The following DDX53 variants were observed in gnomAD, a reference collection of about 807,000 sequenced individuals.
The protein encoded by DDX53 is DEAD-box helicase 53, also known as DEAD box protein 53.
For synonymous variants in DDX53, 179 were observed against 170.8 expected (o/e 1.05, Z -0.37); for missense variants, 481 against 485.1 (o/e 0.99, Z 0.08).
Position 23,001,796 on chromosome X carries a change from G to A in DDX53, c.1739G>A (p.Gly580Asp). Residue 580 changes from glycine (G) to aspartate (D), a missense_variant, in exon 1 of 1, where the codon GGT becomes GAT. Physicochemically the swap from Gly to Asp is moderately conservative, Grantham distance 94. Transcript: ENST00000327968. Reference sequence around the variant, plus strand: ...ACTCAGAGAGATTCGAAAATGGCCGGTGAATTGATTAAAATTCTGGACAGA... The same window carrying A: ...ACTCAGAGAGATTCGAAAATGGCCGATGAATTGATTAAAATTCTGGACAGA... ...LITQRDSKMAGELIKILDRAN... is the reference protein window; with the variant it reads ...LITQRDSKMADELIKILDRAN... The A allele has an allele frequency of 2.5e-6, 3 of 1,211,759 alleles. No homozygotes were observed. The highest frequency in any genetic ancestry group is 3.4e-6 in the Non-Finnish European group (3 of 895,480).
rs79341555 is a variant in DDX53, at chrX:23,002,255, C to T, written c.*302C>T. The T allele has an allele frequency of 2.0e-4, 38 of 186,514 alleles. No homozygotes were observed. The highest frequency in any genetic ancestry group is 1.5e-3 in the South Asian group (5 of 3,262). 15.4% of individuals were successfully genotyped at this position (186,514 alleles called of 1,213,427 possible). On this transcript the variant is annotated 3_prime_UTR_variant, in exon 1 of 1. Transcript: ENST00000327968. ...TGAAGGTTTGTTAAAGAAACACGTG[C>T]CATGGGGGTTTATCAACTTTCAATA...
Position 23,002,974 on chromosome X carries a change from G to A in DDX53, c.*1021G>A, listed in dbSNP as rs1933840202. ...TTCTTTGCGTTCATAAGTTCTCATCGTTTGCTTCCCACTTATAAGTGAGAA... is the reference window on the plus strand; with the variant it reads ...TTCTTTGCGTTCATAAGTTCTCATCATTTGCTTCCCACTTATAAGTGAGAA... On this transcript the variant is annotated 3_prime_UTR_variant, in exon 1 of 1. Transcript: ENST00000327968. 8.1e-6 allele frequency: 1 copy of A among 122,867 alleles called. No homozygotes were observed. Among genetic ancestry groups the A allele is most frequent in the Non-Finnish European group, 1.9e-5 (1 of 53,185 alleles). The allele number at this position is 122,867 out of a possible 1,213,427, so 10.1% of individuals were successfully genotyped here. A position where few individuals can be genotyped will look rare whatever the true frequency, so the allele number is the denominator to read the frequency against.
chrX:23,001,318 T>A lies in DDX53; in HGVS notation c.1261T>A (p.Tyr421Asn). ...TACTGTACGTCAACTAGCACTTTCT[T>A]ATTTGAAAGATCCTATGATTGTTTA... is the stretch of plus-strand genomic sequence containing the variant. ...PDTVRQLALS[Y>N]LKDPMIVYVG... Residue 421 changes from tyrosine (Y) to asparagine (N), a missense_variant, in exon 1 of 1, where the codon TAT becomes AAT. By Grantham distance (143) the Tyr-to-Asn change is moderately radical. Transcript: ENST00000327968. The A allele has an allele frequency of 1.7e-6, 2 of 1,211,845 alleles. No homozygotes were observed. The highest frequency in any genetic ancestry group is 2.2e-6 in the Non-Finnish European group (2 of 895,407).
At position 23,002,457 on chromosome X, in the gene DDX53, A is replaced by C. The variant is rs1266197206; in HGVS notation, c.*504A>C. ...AAACACGTGTCATGGGGGTTTATCA[A>C]CTTTCAATATTGTGTATGCTCCTTA... On this transcript the variant is annotated 3_prime_UTR_variant, in exon 1 of 1. Transcript: ENST00000327968. 8.2e-6 allele frequency: 1 copy of C among 122,267 alleles called. No homozygotes were observed. The highest frequency in any genetic ancestry group is 1.9e-5 in the Non-Finnish European group (1 of 52,702). The allele number at this position is 122,267 out of a possible 1,213,427, so 10.1% of individuals were successfully genotyped here.
At position 23,000,395 on chromosome X, in the gene DDX53, T is replaced by G. The variant is rs1439329626; in HGVS notation, c.338T>G (p.Ile113Ser). Residue 113 changes from isoleucine to serine, a missense_variant, in exon 1 of 1, where the codon ATT (isoleucine) becomes AGT (serine). Coordinates refer to ENST00000327968, the MANE Select transcript of DDX53 (RefSeq NM_182699.4). ...GCCAAAGCGGCTATAGAAACACTTA[T>G]TAGAAAACAAGAAAGCTACAACTCA... ...AKAKAAIETL[I>S]RKQESYNSES... 1 of 1,207,824 alleles carries G rather than the reference T, an allele frequency of 8.3e-7. No homozygotes were observed. Among genetic ancestry groups the G allele is most frequent in the Non-Finnish European group, 1.1e-6 (1 of 894,691 alleles).
In DDX53 at chrX:23,000,998, C is replaced by A. The variant is rs767889537; in HGVS notation, c.941C>A (p.Ala314Asp). ...PTRELALHVE[A>D]ECSKYSYKGL... is the part of the protein sequence containing the mutation. ...AGAGAGTTGGCTCTTCACGTGGAAG[C>A]TGAATGTTCAAAGTATTCATATAAA... is the stretch of plus-strand genomic sequence containing the variant. Residue 314 changes from alanine (A) to aspartate (D), a missense_variant, in exon 1 of 1, where the codon GCT becomes GAT. By Grantham distance (126) the Ala-to-Asp change is moderately radical (BLOSUM62 -2). Coordinates refer to ENST00000327968, the MANE Select transcript of DDX53 (RefSeq NM_182699.4). 1.7e-5 allele frequency: 21 copies of A among 1,206,103 alleles called. No homozygotes were observed. Among genetic ancestry groups the A allele is most frequent in the Non-Finnish European group, 2.1e-5 (19 of 893,589 alleles).
chrX:23,000,508 T>A lies in DDX53; in HGVS notation c.451T>A (p.Ser151Thr), dbSNP rs780992934. The A allele has an allele frequency of 3.3e-6, 4 of 1,210,109 alleles. No homozygotes were observed. In the African/African-American group the frequency reaches 7.0e-5, roughly 21 times the overall value. The change falls in exon 1 of 1, where the codon TCA becomes ACA. Residue 151 changes from serine to threonine, a missense_variant. Transcript: ENST00000327968. Reference sequence around the variant, plus strand: ...CATTGTTGGAGAAGCTGAGCCATTGTCAAATTGGGATCGCATTAGGGCAGC... The same window carrying A: ...CATTGTTGGAGAAGCTGAGCCATTGACAAATTGGGATCGCATTAGGGCAGC... The part of the protein sequence containing the change: ...NDIVGEAEPL[S>T]NWDRIRAAVV...
rs1416489336 is a variant in DDX53 at position 23,002,746 on chromosome X, GT to G, written c.*796del. Reference sequence around the variant, plus strand: ...AAGTAAATGTTATGTGTTGGTTAAAGTTTAATTTCTCTTAAAAATACTTTTA... The same window carrying G: ...AAGTAAATGTTATGTGTTGGTTAAAGTTAATTTCTCTTAAAAATACTTTTA... On this transcript the variant is annotated 3_prime_UTR_variant, in exon 1 of 1. Transcript: ENST00000327968. 3 of 121,357 alleles carry G rather than the reference GT, an allele frequency of 2.5e-5. No individual in the cohort carries two copies. Among genetic ancestry groups the G allele is most frequent in the Admixed American group, 1.9e-4 (2 of 10,292 alleles). The allele number at this position is 121,357 out of a possible 1,213,427, so 10.0% of individuals were successfully genotyped here.
In DDX53 at chrX:23,001,182, A is replaced by G; in HGVS notation, c.1125A>G (p.Ile375Met). 1 of 1,211,585 alleles carries G rather than the reference A, an allele frequency of 8.3e-7. No individual in the cohort carries two copies. Residue 375 changes from isoleucine (I) to methionine (M), a missense_variant, in exon 1 of 1, where the codon ATA becomes ATG. Coordinates refer to ENST00000327968, the MANE Select transcript of DDX53 (RefSeq NM_182699.4). Reference sequence around the variant, plus strand: ...TAAGAAGCATAACCTACTTGGTTATAGATGAGGCAGATAAAATGCTGGATA... The same window carrying G: ...TAAGAAGCATAACCTACTTGGTTATGGATGAGGCAGATAAAATGCTGGATA... Reference protein sequence around the residue: ...VNLRSITYLVIDEADKMLDME... With the variant: ...VNLRSITYLVMDEADKMLDME...
chrX:23,000,197 G>A lies in DDX53; in HGVS notation c.140G>A (p.Arg47His), dbSNP rs1433188066. 1.7e-6 allele frequency: 2 copies of A among 1,198,227 alleles called. No homozygotes were observed. The highest frequency in any genetic ancestry group is 1.8e-5 in the South Asian group (1 of 54,567). ...CAGGGACCGAGAGCAGCAGGCTCCCGTGAACCACCACTCTGCTTTAAAATA... is the reference window on the plus strand; with the variant it reads ...CAGGGACCGAGAGCAGCAGGCTCCCATGAACCACCACTCTGCTTTAAAATA... ...GHQGPRAAGSREPPLCFKIKN... is the reference protein window; with the variant it reads ...GHQGPRAAGSHEPPLCFKIKN... Residue 47 changes from arginine (R) to histidine (H), a missense_variant, in exon 1 of 1, where the codon CGT becomes CAT. Arg to His is a conservative substitution (Grantham distance 29). Coordinates refer to ENST00000327968, the MANE Select transcript of DDX53 (RefSeq NM_182699.4).
In DDX53 at chrX:23,001,529, G is replaced by C; in HGVS notation, c.1472G>C (p.Gly491Ala). The change falls in exon 1 of 1, where the codon GGC (glycine) becomes GCC (alanine). Residue 491 changes from glycine (G) to alanine (A), a missense_variant. Coordinates refer to ENST00000327968, the MANE Select transcript of DDX53 (RefSeq NM_182699.4). ...DDLSSDFNIQ[G>A]ISAESLHGNS... Reference sequence around the variant, plus strand: ...TTGTCAAGCGACTTCAATATCCAAGGCATATCTGCAGAATCATTACATGGC... The same window carrying C: ...TTGTCAAGCGACTTCAATATCCAAGCCATATCTGCAGAATCATTACATGGC... The C allele has an allele frequency of 8.3e-7, 1 of 1,211,447 alleles. No homozygotes were observed. The highest frequency in any genetic ancestry group is 1.1e-6 in the Non-Finnish European group (1 of 895,341).
rs1773433380 is a variant in DDX53, at chrX:23,003,193, A to G, written c.*1240A>G. ...TCCCCCGAGCAGTTGGTGCCACAAC[A>G]GTTCTTAAAGTTATTTCCACTATCA... On this transcript the variant is annotated 3_prime_UTR_variant, in exon 1 of 1. Coordinates refer to ENST00000327968, the MANE Select transcript of DDX53 (RefSeq NM_182699.4). 4.0e-5 allele frequency: 5 copies of G among 124,026 alleles called. No homozygotes were observed. The South Asian group carries it at 1.5e-3, about 36-fold the overall frequency. 10.2% of individuals were successfully genotyped at this position (124,026 alleles called of 1,213,427 possible).
At position 23,001,866 on chromosome X, in the gene DDX53, A is replaced by G; in HGVS notation, c.1809A>G (p.Gln603=). 2 of 1,210,745 alleles carry G rather than the reference A, an allele frequency of 1.7e-6. No homozygotes were observed. Among genetic ancestry groups the G allele is most frequent in the Non-Finnish European group, 2.2e-6 (2 of 895,025 alleles). Residue 603 remains glutamine, a synonymous_variant, in exon 1 of 1, where the codon CAA becomes CAG. Transcript: ENST00000327968. ...VPEDLVVMAE[Q]YKLNQQKRHR... ...AAGATCTTGTAGTAATGGCTGAGCA[A>G]TACAAGTTAAATCAACAAAAGAGGC... is the stretch of plus-strand genomic sequence containing the variant.
In DDX53 at chrX:23,001,538, C is replaced by T. The variant is rs770405734; in HGVS notation, c.1481C>T (p.Ala494Val). 3 of 1,211,391 alleles carry T rather than the reference C, an allele frequency of 2.5e-6. No individual in the cohort carries two copies. Among genetic ancestry groups the T allele is most frequent in the Non-Finnish European group, 3.4e-6 (3 of 895,315 alleles). The change falls in exon 1 of 1, where the codon GCA becomes GTA. Residue 494 changes from alanine to valine, a missense_variant. Transcript: ENST00000327968. ...GACTTCAATATCCAAGGCATATCTG[C>T]AGAATCATTACATGGCAACAGTGAA... ...SSDFNIQGISAESLHGNSEQS... is the reference protein window; with the variant it reads ...SSDFNIQGISVESLHGNSEQS...
rs1933843553 is a variant in DDX53 at position 23,003,227 on chromosome X, T to G, written c.*1274T>G. ...AGTTATTTCCACTATCATTCTCTAC[T>G]TGTTTTAGTTCATTAGAAAATAAGT... On this transcript the variant is annotated 3_prime_UTR_variant, in exon 1 of 1. Transcript: ENST00000327968. 8.1e-6 allele frequency: 1 copy of G among 124,018 alleles called. No individual in the cohort carries two copies. The highest frequency in any genetic ancestry group is 1.9e-5 in the Non-Finnish European group (1 of 53,407). The allele number at this position is 124,018 out of a possible 1,213,427, so 10.2% of individuals were successfully genotyped here.
In DDX53 at chrX:23,000,658, T is replaced by A; in HGVS notation, c.601T>A (p.Phe201Ile). Residue 201 changes from phenylalanine (F) to isoleucine (I), a missense_variant, in exon 1 of 1, where the codon TTC becomes ATC. Phe to Ile is a conservative substitution (Grantham distance 21). Coordinates refer to ENST00000327968, the MANE Select transcript of DDX53 (RefSeq NM_182699.4). ...MQVINWRKEN[F>I]NITCDDLKSG... ...GGTGATTAACTGGAGAAAGGAAAAT[T>A]TCAACATAACGTGTGATGACTTGAA... 1.7e-6 allele frequency: 2 copies of A among 1,211,935 alleles called. No homozygotes were observed. Among genetic ancestry groups the A allele is most frequent in the Non-Finnish European group, 2.2e-6 (2 of 895,529 alleles).
Position 23,002,923 on chromosome X carries a change from GC to G in DDX53, c.*971del, listed in dbSNP as rs1251078057. On this transcript the variant is annotated 3_prime_UTR_variant, in exon 1 of 1. Coordinates refer to ENST00000327968, the MANE Select transcript of DDX53 (RefSeq NM_182699.4). ...TGCCTCCTTCCACCCTCCCCCATCA[GC>G]TAGACCCCAGTGTCTGCTGTTTCCT... is the stretch of plus-strand genomic sequence containing the variant. 8.1e-6 allele frequency: 1 copy of G among 123,098 alleles called. No individual in the cohort carries two copies. Among genetic ancestry groups the G allele is most frequent in the African/African-American group, 3.3e-5 (1 of 30,678 alleles). The allele number at this position is 123,098 out of a possible 1,213,427, so 10.1% of individuals were successfully genotyped here.
At position 23,002,598 on chromosome X, in the gene DDX53, G is replaced by T. The variant is rs1275232816; in HGVS notation, c.*645G>T. ...AAATACTTTTATTTTAGGTTTGGGG[G>T]TATATGTGAAGGTTTGTTAAAGAAA... On this transcript the variant is annotated 3_prime_UTR_variant, in exon 1 of 1. Transcript: ENST00000327968. 1 of 117,385 alleles carries T rather than the reference G, an allele frequency of 8.5e-6. No homozygotes were observed. The highest frequency in any genetic ancestry group is 1.0e-4 in the Admixed American group (1 of 10,042). 9.7% of individuals were successfully genotyped at this position (117,385 alleles called of 1,213,427 possible). A position where few individuals can be genotyped will look rare whatever the true frequency, so the allele number is the denominator to read the frequency against.
Position 23,001,376 on chromosome X carries a change from C to T in DDX53, c.1319C>T (p.Thr440Ile), listed in dbSNP as rs769462069. 1 of 1,210,012 alleles carries T rather than the reference C, an allele frequency of 8.3e-7. No homozygotes were observed. Among genetic ancestry groups the T allele is most frequent in the Non-Finnish European group, 1.1e-6 (1 of 894,562 alleles). The change falls in exon 1 of 1, where the codon ACA (threonine) becomes ATA (isoleucine). Residue 440 changes from threonine to isoleucine, a missense_variant. Physicochemically the swap from Thr to Ile is moderately conservative, Grantham distance 89 (BLOSUM62 -1). Coordinates refer to ENST00000327968, the MANE Select transcript of DDX53 (RefSeq NM_182699.4). ...AATCTGAATCTAGTGGCTGTAAATA[C>T]AGTGAAGCAAAATATAATTGTTACC... is the stretch of plus-strand genomic sequence containing the variant. ...VGNLNLVAVN[T>I]VKQNIIVTTE...
Sources: allele counts gnomAD v4.1 joint callset, GRCh38; gene constraint gnomAD v4.1.1; transcripts MANE v1.5; gene names NCBI Gene and HGNC (gene_info 2026-07-23, HGNC 2026-07-21).